The following STX8 variants were observed in gnomAD, a reference collection of about 807,000 sequenced individuals.
The protein encoded by STX8 is syntaxin 8, also known as syntaxin-8.
A neutral mutation model predicts 37.5 loss-of-function variants in STX8; 23 were observed. The ratio of observed to expected loss-of-function variants is 0.61; its 90% CI spans 0.44 to 0.87. STX8 has a LOEUF of 0.87. Among genes scored for constraint, STX8 ranks in the 40% least tolerant of loss-of-function variants. The probability of loss-of-function intolerance (pLI) is 0.00; values close to 1 mark genes in which losing one functional copy is unlikely to be tolerated. For missense variants in STX8, 313 were observed against 284.7 expected (o/e 1.10, Z -0.71); for synonymous variants, 115 against 99.1 (o/e 1.16, Z -0.95).
intron 7 of STX8, among the ~76,000 whole-genome samples, chr17:9,254,610 G>A (rs1597566129): frequency 6.6e-6 from 1 of 152,180 alleles, no homozygotes; most frequent in Non-Finnish European, 1.5e-5. Context: ...TGGCCAGGCT[G>A]GTCTCGAACT....
rs924676430 is a variant in STX8, at chr17:9,299,590, C to G, written c.644-48945G>C. ...TCCTGAGTAGCTGGGACTACAGGCG[C>G]CCGCCACCACACCCGGCTAATTTTT... On this transcript the variant is annotated intron_variant, in intron 7 of 7. Transcript: ENST00000306357. 2.6e-5 allele frequency among the ~76,000 whole-genome samples: 4 copies of G among 151,924 alleles called. No individual in the cohort carries two copies. In the East Asian group the frequency reaches 5.8e-4, roughly 22 times the overall value.
intron 7 of STX8, among the ~76,000 whole-genome samples, chr17:9,330,631 T>C (rs1909931721): frequency 2.0e-5 from 3 of 152,244 alleles, no homozygotes; most frequent in African/African-American, 7.2e-5. Flanking sequence ...GCTTCGGCTT[T>C]CTGTTTGGGA....
rs543240144 is a variant in STX8, at chr17:9,296,317, G to C, written c.644-45672C>G. Among the ~76,000 whole-genome samples, 9 of 113,882 alleles carry C rather than the reference G, an allele frequency of 7.9e-5. No individual in the cohort carries two copies. The East Asian group carries it at 1.8e-3, about 23-fold the overall frequency. 74.7% of individuals were successfully genotyped at this position (113,882 alleles called of 152,430 possible). On this transcript the variant is annotated intron_variant, in intron 7 of 7. Coordinates refer to ENST00000306357, the MANE Select transcript of STX8 (RefSeq NM_004853.3). ...GCTGAGATCGCACCACTGCACTCCA[G>C]CCTGGGCGACAGAGACTCTGTCTCA...
chr17:9,522,575 T>C (rs1355915945), intron 4 of STX8, among the ~76,000 whole-genome samples: 1 of 148,304 alleles, frequency 6.7e-6, no homozygotes, highest in East Asian at 2.0e-4. Flanking sequence ...TATCTGGGCA[T>C]GTGGCGGGTG....
At chr17:9,302,284 G>A (rs1567775353) in intron 7 of STX8, among the ~76,000 whole-genome samples, 1 of 151,514 alleles carries the variant, frequency 6.6e-6, no homozygotes, top group East Asian at 1.9e-4. Context: ...TGGTGGTTTT[G>A]TTTTTTTTCT....
chr17:9,424,099 G>T (rs1913540048), intron 6 of STX8, among the ~76,000 whole-genome samples: 1 of 152,070 alleles, frequency 6.6e-6, no homozygotes, highest in Non-Finnish European at 1.5e-5. Context: ...TGAAAGAACT[G>T]CTCCAACCAT....
chr17:9,477,102 C>A (rs1429822912), intron 6 of STX8, among the ~76,000 whole-genome samples: 1 of 152,122 alleles, frequency 6.6e-6, no homozygotes, highest in Non-Finnish European at 1.5e-5. Flanking sequence ...AAGTAATCCA[C>A]CTACCTCGAC....
chr17:9,293,881 C>T (rs1367342490), intron 7 of STX8, among the ~76,000 whole-genome samples: 48 of 152,076 alleles, frequency 3.2e-4, no homozygotes, highest in South Asian at 2.1e-4. Context: ...GCTGTCTCAG[C>T]CTCCCAAGTA....
At chr17:9,338,880 G>A (rs983462760) in intron 7 of STX8, among the ~76,000 whole-genome samples, 1 of 151,910 alleles carries the variant, frequency 6.6e-6, no homozygotes, top group Admixed American at 6.6e-5. Context: ...GACCATCCTG[G>A]CTAACACAGT....
intron 7 of STX8, among the ~76,000 whole-genome samples, chr17:9,368,256 G>A (rs1040953491): frequency 1.3e-5 from 2 of 152,146 alleles, no homozygotes; most frequent in African/African-American, 4.8e-5. Context: ...TGTAATCCCA[G>A]CACTTTGGGA....
chr17:9,444,149 CTT>C (rs528908336), intron 6 of STX8, among the ~76,000 whole-genome samples: 85 of 147,556 alleles, frequency 5.8e-4, no homozygotes, highest in African/African-American at 2.0e-3. Context: ...ATTCTTCTCT[CTT>C]TCTCTCTCTC....
chr17:9,490,045 G>C (rs915930934), intron 6 of STX8, among the ~76,000 whole-genome samples: 3 of 152,218 alleles, frequency 2.0e-5, no homozygotes, highest in Admixed American at 6.5e-5. Context: ...ACCAATAACT[G>C]AATTATATGC....
chr17:9,376,390 CACCAATCAGCACTCTGTAAAAATAG>C (rs1911586804), intron 7 of STX8, among the ~76,000 whole-genome samples: 1 of 152,062 alleles, frequency 6.6e-6, no homozygotes, highest in Non-Finnish European at 1.5e-5. Flanking sequence ...TTTGTAAACG[CACCAATCAGCACTCTGTAAAAATAG>C]ACCAATCAGC....
At position 9,362,432 on chromosome 17, in the gene STX8, C is replaced by T. The variant is rs112151799; in HGVS notation, c.643+16120G>A. 7.2e-3 allele frequency among the ~76,000 whole-genome samples: 1,091 copies of T among 152,258 alleles called. 12 individuals are homozygous for T. Among genetic ancestry groups the T allele is most frequent in the African/African-American group, 0.025 (1,045 of 41,556 alleles). On this transcript the variant is annotated intron_variant, in intron 7 of 7. Coordinates refer to ENST00000306357, the MANE Select transcript of STX8 (RefSeq NM_004853.3). ...ACCAATTACTTTTGAACACAGAACCCAGAAGTAAAGATTCTCTGTAATTCT... is the reference window on the plus strand; with the variant it reads ...ACCAATTACTTTTGAACACAGAACCTAGAAGTAAAGATTCTCTGTAATTCT...
chr17:9,574,536 T>C (rs1198820251), intron 1 of STX8, among the ~76,000 whole-genome samples: 1 of 62,804 alleles, frequency 1.6e-5, no homozygotes, highest in African/African-American at 3.9e-5. Context: ...GATTTTGGGG[T>C]TTTTTATTTT....
chr17:9,446,261 A>T (rs1904847710), intron 6 of STX8, among the ~76,000 whole-genome samples: 2 of 152,206 alleles, frequency 1.3e-5, no homozygotes, highest in Admixed American at 1.3e-4. Context: ...CACATAGTAG[A>T]TCCTCACTAA....
At chr17:9,463,133 C>T (rs1905465385) in intron 6 of STX8, among the ~76,000 whole-genome samples, 1 of 152,164 alleles carries the variant, frequency 6.6e-6, no homozygotes. Context: ...GCCTAGCTGG[C>T]CTCATGGTTT....
intron 7 of STX8, among the ~76,000 whole-genome samples, chr17:9,300,262 A>C (rs2244374): frequency 0.5 from 72,991 of 147,372 alleles, 18,930 homozygotes; most frequent in Middle Eastern, 0.68. Context: ...ACCTGGGAGG[A>C]GGAGGTTGCG....
At chr17:9,342,048 C>T (rs1910377092) in intron 7 of STX8, among the ~76,000 whole-genome samples, 1 of 152,074 alleles carries the variant, frequency 6.6e-6, no homozygotes, top group Non-Finnish European at 1.5e-5. Context: ...TTTCCACGGC[C>T]TGGAGGGGAA....
Sources: allele counts gnomAD v4.1 joint callset (sites outside exome capture counted in the v4.1 genomes callset), GRCh38; gene constraint gnomAD v4.1.1; transcripts MANE v1.5; gene names NCBI Gene and HGNC (gene_info 2026-07-23, HGNC 2026-07-21).